Variants in KCNB2 observed in about 807,000 individuals in gnomAD.
KCNB2 encodes the protein delayed rectifier potassium channel protein.
A neutral mutation model predicts 61.5 loss-of-function variants in KCNB2; 15 were observed. That is an observed-to-expected ratio of 0.24 (90% CI 0.16 to 0.38). KCNB2 has a LOEUF of 0.38. Ranked by LOEUF, KCNB2 falls within the 10% of genes least tolerant of loss-of-function variation. KCNB2 has a pLI of 1.00. For missense variants in KCNB2, 828 were observed against 1,125.2 expected (o/e 0.74, Z 3.78); for synonymous variants, 457 against 446.0 (o/e 1.02, Z -0.31).
At chr8:72,589,605 C>A (rs1807061046) in intron 2 of KCNB2, among the ~76,000 whole-genome samples, 1 of 152,174 alleles carries the variant, frequency 6.6e-6, no homozygotes, top group South Asian at 2.1e-4. Flanking sequence ...ACTTCAAAAG[C>A]ATGTCTAATT....
intron 2 of KCNB2, among the ~76,000 whole-genome samples, chr8:72,762,512 G>C (rs944590653): frequency 3.3e-5 from 5 of 152,060 alleles, no homozygotes; most frequent in Non-Finnish European, 5.9e-5. Context: ...GTACTGCTTG[G>C]CACAGTTTAG....
chr8:72,781,727 G>A (rs541041990), intron 2 of KCNB2, among the ~76,000 whole-genome samples: 1 of 152,186 alleles, frequency 6.6e-6, no homozygotes, highest in African/African-American at 2.4e-5. Context: ...TTTTAAAGTA[G>A]TTTTTTCTAA....
chr8:72,605,599 T>C (rs1259922043), intron 2 of KCNB2, among the ~76,000 whole-genome samples: 10 of 152,198 alleles, frequency 6.6e-5, no homozygotes, highest in African/African-American at 2.2e-4. Context: ...GTTACAGTTA[T>C]ACAGAGGGCT....
At chr8:72,697,771 A>T (rs1295300215) in intron 2 of KCNB2, among the ~76,000 whole-genome samples, 4 of 152,062 alleles carry the variant, frequency 2.6e-5, no homozygotes, top group African/African-American at 9.7e-5. Context: ...TAAAAAAATG[A>T]TTTTTTTTCT....
At chr8:72,551,410 G>T (rs184512677) in intron 1 of KCNB2, among the ~76,000 whole-genome samples, 94 of 152,232 alleles carry the variant, frequency 6.2e-4, no homozygotes, top group Non-Finnish European at 8.8e-5. Context: ...GCTCTGGTCA[G>T]TCTGGCCCCT....
At chr8:72,580,276 G>A (rs16938240) in intron 2 of KCNB2, among the ~76,000 whole-genome samples, 7,678 of 152,212 alleles carry the variant, frequency 0.05, 335 homozygotes, top group African/African-American at 0.12. Context: ...AATCCTATGA[G>A]AACACATCAT....
intron 2 of KCNB2, among the ~76,000 whole-genome samples, chr8:72,842,889 C>T (rs1809917294): frequency 2.6e-5 from 4 of 152,154 alleles, no homozygotes; most frequent in African/African-American, 9.7e-5. Flanking sequence ...AAAAACAGCT[C>T]CTGGATCCGT....
At chr8:72,598,452 A>T (rs1807235660) in intron 2 of KCNB2, among the ~76,000 whole-genome samples, 2 of 152,230 alleles carry the variant, frequency 1.3e-5, no homozygotes, top group African/African-American at 4.8e-5. Flanking sequence ...GACATATCTC[A>T]AAATAATAAG....
At chr8:72,586,414 T>G (rs529420909) in intron 2 of KCNB2, among the ~76,000 whole-genome samples, 1 of 152,194 alleles carries the variant, frequency 6.6e-6, no homozygotes. Flanking sequence ...ATTTATAAAT[T>G]GAAATCATTT....
At chr8:72,911,999 G>C (rs1806304569) in intron 2 of KCNB2, among the ~76,000 whole-genome samples, 1 of 152,174 alleles carries the variant, frequency 6.6e-6, no homozygotes, top group Non-Finnish European at 1.5e-5. Context: ...GTGGTTAAGA[G>C]TCTGGCATGA....
chr8:72,628,246 G>A (rs1279970635), intron 2 of KCNB2, among the ~76,000 whole-genome samples: 3 of 152,254 alleles, frequency 2.0e-5, no homozygotes, highest in Non-Finnish European at 4.4e-5. Context: ...GAGCCATCAC[G>A]TCTGGTCACT....
chr8:72,715,432 G>A (rs1456224956), intron 2 of KCNB2, among the ~76,000 whole-genome samples: 2 of 152,126 alleles, frequency 1.3e-5, no homozygotes, highest in Non-Finnish European at 2.9e-5. Flanking sequence ...CTCAGCAAAT[G>A]TAAAAGAACA....
Position 72,696,728 on chromosome 8 carries a change from C to T in KCNB2, c.579+128415C>T, listed in dbSNP as rs1055317709. Among the ~76,000 whole-genome samples the T allele has an allele frequency of 3.0e-4, 45 of 152,150 alleles. 2 individuals carry two copies. Among genetic ancestry groups the T allele is most frequent in the Non-Finnish European group, 1.5e-5 (1 of 68,022 alleles). ...CTAAGAGCAGGTTTTCTGTATAAAT[C>T]ATTCTGCTAACTTTAGGGACCTTTA... is the stretch of plus-strand genomic sequence containing the variant. On this transcript the variant is annotated intron_variant, in intron 2 of 2. Transcript: ENST00000523207.
intron 2 of KCNB2, among the ~76,000 whole-genome samples, chr8:72,748,129 A>G (rs922680917): frequency 6.6e-6 from 1 of 152,268 alleles, no homozygotes; most frequent in African/African-American, 2.4e-5. Context: ...AGAAATAAGC[A>G]ATATAATTTA....
intron 1 of KCNB2, among the ~76,000 whole-genome samples, chr8:72,543,948 GCTGA>G (rs1806225046): frequency 6.6e-6 from 1 of 152,160 alleles, no homozygotes; most frequent in South Asian, 2.1e-4. Context: ...AAGTTTAGCG[GCTGA>G]CTAAATACAA....
chr8:72,864,152 A>G (rs888693931), intron 2 of KCNB2, among the ~76,000 whole-genome samples: 1 of 152,106 alleles, frequency 6.6e-6, no homozygotes, highest in African/African-American at 2.4e-5. Flanking sequence ...CCTGATTCAA[A>G]CCAATTGTAC....
intron 1 of KCNB2, among the ~76,000 whole-genome samples, chr8:72,564,760 A>G (rs987366943): frequency 6.6e-6 from 1 of 152,154 alleles, no homozygotes. Context: ...AAAAGTTTGG[A>G]CCCACAATCC....
intron 2 of KCNB2, among the ~76,000 whole-genome samples, chr8:72,672,752 A>G (rs1374781674): frequency 6.6e-6 from 1 of 152,142 alleles, no homozygotes; most frequent in Non-Finnish European, 1.5e-5. Flanking sequence ...ACTCAAGTGC[A>G]ATCTTCCTGA....
intron 2 of KCNB2, among the ~76,000 whole-genome samples, chr8:72,753,178 G>A (rs967806705): frequency 7.9e-5 from 12 of 152,190 alleles, no homozygotes; most frequent in African/African-American, 2.7e-4. Flanking sequence ...GTTGGTAGGA[G>A]TGGTGGTAAA....
Sources: gnomAD v4.1 joint callset for allele counts (sites outside exome capture counted in the v4.1 genomes callset) on GRCh38, gnomAD v4.1.1 for gene constraint, MANE v1.5 for transcripts, NCBI Gene and HGNC (gene_info 2026-07-23, HGNC 2026-07-21) for gene names.